CRYBG1: variants seen among roughly 807,000 people sequenced by gnomAD.
The protein encoded by CRYBG1 is crystallin beta-gamma domain containing 1.
Under a neutral mutation model 189.2 loss-of-function variants are expected in CRYBG1, and 139 were observed. The ratio of observed to expected loss-of-function variants is 0.73; its 90% CI spans 0.64 to 0.85. CRYBG1 has a LOEUF of 0.85. Ranked by LOEUF, CRYBG1 falls within the 40% of genes least tolerant of loss-of-function variation. The probability of loss-of-function intolerance (pLI) is 0.00; values close to 1 mark genes in which losing one functional copy is unlikely to be tolerated. For missense variants in CRYBG1, 2,611 were observed against 2,675.8 expected, an observed-to-expected ratio of 0.98 and a Z score of 0.53; for synonymous variants, 1,023 against 1,017.1, an observed-to-expected ratio of 1.01 and a Z score of -0.11.
intron 1 of CRYBG1, among the ~76,000 whole-genome samples, chr6:106,400,123 T>G (rs1258643044): frequency 1.7e-5 from 2 of 116,872 alleles, no homozygotes; most frequent in African/African-American, 3.4e-5. Context: ...GTGACAAGAG[T>G]GAGACTCCAT....
intron 1 of CRYBG1, among the ~76,000 whole-genome samples, chr6:106,443,442 C>G (rs1050804913): frequency 6.6e-6 from 1 of 152,188 alleles, no homozygotes; most frequent in African/African-American, 2.4e-5. Flanking sequence ...TGAGAGAAAT[C>G]TTTCCCTTCA....
In CRYBG1 at chr6:106,416,727, G is replaced by T. The variant is rs577251918; in HGVS notation, c.174-34967G>T. 3.3e-5 allele frequency among the ~76,000 whole-genome samples: 5 copies of T among 152,286 alleles called. No homozygotes were observed. The South Asian group carries it at 1.0e-3, about 32-fold the overall frequency. ...CTAAAAGTCCTTCAGTCAAGAATTTGCTAAACAAATTGTAGTATTCATTAT... is the reference window on the plus strand; with the variant it reads ...CTAAAAGTCCTTCAGTCAAGAATTTTCTAAACAAATTGTAGTATTCATTAT... On this transcript the variant is annotated intron_variant, in intron 1 of 21. Transcript: ENST00000633556.
chr6:106,409,717 C>T (rs998264627), intron 1 of CRYBG1, among the ~76,000 whole-genome samples: 2 of 152,056 alleles, frequency 1.3e-5, no homozygotes, highest in Non-Finnish European at 2.9e-5. Flanking sequence ...AGAAATAACA[C>T]CTCACATCTA....
chr6:106,388,424 A>T (rs2749083), intron 1 of CRYBG1, among the ~76,000 whole-genome samples: 2 of 152,060 alleles, frequency 1.3e-5, no homozygotes, highest in Non-Finnish European at 2.9e-5. Flanking sequence ...CAGCCCAGAA[A>T]CTGTCTTCTT....
At position 106,555,815 on chromosome 6, in the gene CRYBG1, T is replaced by C. The variant is rs1305194069; in HGVS notation, c.5633T>C (p.Leu1878Ser). The C allele has an allele frequency of 5.0e-6, 8 of 1,614,072 alleles. No homozygotes were observed. Among genetic ancestry groups the C allele is most frequent in the Non-Finnish European group, 5.9e-6 (7 of 1,180,028 alleles). The change falls in exon 17 of 22, where the codon TTG becomes TCG. Residue 1878 changes from leucine (L) to serine (S), a missense_variant. By Grantham distance (145) the Leu-to-Ser change is moderately radical. Transcript: ENST00000633556. ...AATTTCACTGGTAATCAATACGTGT[T>C]GGAAGAAGGCCATTATCCTTGTCTG... ...GENFTGNQYV[L>S]EEGHYPCLSA...
chr6:106,452,053 T>G (rs1223796678), intron 2 of CRYBG1, among the ~76,000 whole-genome samples: 1 of 145,082 alleles, frequency 6.9e-6, no homozygotes, highest in Admixed American at 6.8e-5. Context: ...TGTAATCTAT[T>G]TTTATATAAT....
At chr6:106,562,306 T>C (rs1164212172) in intron 20 of CRYBG1, among the ~76,000 whole-genome samples, 6 of 152,166 alleles carry the variant, frequency 3.9e-5, no homozygotes, top group African/African-American at 1.2e-4. Flanking sequence ...GAAGTAGTTG[T>C]AATATGGAAT....
intron 16 of CRYBG1, among the ~76,000 whole-genome samples, chr6:106,555,513 G>A (rs1473267301): frequency 6.6e-6 from 1 of 152,196 alleles, no homozygotes; most frequent in South Asian, 2.1e-4. Flanking sequence ...AGGAAGGCTG[G>A]AGGCTGGGGA....
At chr6:106,470,334 C>T (rs1772206447) in intron 2 of CRYBG1, among the ~76,000 whole-genome samples, 1 of 151,988 alleles carries the variant, frequency 6.6e-6, no homozygotes, top group African/African-American at 2.4e-5. Flanking sequence ...CAAAACAAAA[C>T]AAAACGAACA....
chr6:106,529,565 G>A (rs989515284), intron 7 of CRYBG1, among the ~76,000 whole-genome samples: 5 of 152,162 alleles, frequency 3.3e-5, no homozygotes, highest in African/African-American at 4.8e-5. Context: ...TTCCATTAAC[G>A]CTTAGGCACT....
At chr6:106,555,219 T>G (rs1170617156) in intron 16 of CRYBG1, among the ~76,000 whole-genome samples, 1 of 150,928 alleles carries the variant, frequency 6.6e-6, no homozygotes, top group Non-Finnish European at 1.5e-5. Flanking sequence ...CCCACAAACT[T>G]CTAGGGGAGC....
chr6:106,451,971 G>A (rs1771790288), intron 2 of CRYBG1, 139 bp downstream of exon 2: 21 of 356,382 alleles, frequency 5.9e-5, no homozygotes, highest in South Asian at 1.2e-4. Flanking sequence ...TATATCATAT[G>A]TAATATATGT....
chr6:106,476,508 T>G (rs559967029), intron 2 of CRYBG1, among the ~76,000 whole-genome samples: 2 of 152,342 alleles, frequency 1.3e-5, no homozygotes, highest in East Asian at 3.9e-4. Flanking sequence ...TACTCTTTGG[T>G]TAAATTTCCT....
At chr6:106,538,907 T>A (rs1348481199) in intron 8 of CRYBG1, among the ~76,000 whole-genome samples, 1 of 114,200 alleles carries the variant, frequency 8.8e-6, no homozygotes, top group Admixed American at 8.7e-5. Context: ...AAAAAAAAAA[T>A]TGATTAGGAA....
In CRYBG1 at chr6:106,571,589, C is replaced by T. The variant is rs1775060361; in HGVS notation, c.*3023C>T. 5.9e-6 allele frequency: 1 copy of T among 168,104 alleles called. No homozygotes were observed. The highest frequency in any genetic ancestry group is 1.3e-5 in the Non-Finnish European group (1 of 78,000). The allele number at this position is 168,104 out of a possible 1,614,324, so 10.4% of individuals were successfully genotyped here. The stretch of plus-strand genomic sequence containing the variant: ...TGATGCATACCTGTAGTCCTACCTA[C>T]TTGAGAGGCTGAAGCAGGAGAATCG... On this transcript the variant is annotated 3_prime_UTR_variant, in exon 22 of 22. Coordinates refer to ENST00000633556, the MANE Select transcript of CRYBG1 (RefSeq NM_001371242.2).
Position 106,520,273 on chromosome 6 carries a change from C to G in CRYBG1, c.3065C>G (p.Ala1022Gly). ...CACTCTCATTGCACAGCAGAGCTCG[C>G]GGCAAAATCTGGCCCACAAGTCATA... is the stretch of plus-strand genomic sequence containing the variant. ...NEHSHCTAEL[A>G]AKSGPQVIPP... Residue 1022 changes from alanine to glycine, a missense_variant, in exon 4 of 22, where the codon GCG becomes GGG. Transcript: ENST00000633556. The G allele has an allele frequency of 6.2e-7, 1 of 1,614,148 alleles. No homozygotes were observed. Among genetic ancestry groups the G allele is most frequent in the African/African-American group, 1.3e-5 (1 of 75,026 alleles).
chr6:106,506,183 G>A (rs956538939), intron 2 of CRYBG1, among the ~76,000 whole-genome samples: 2 of 152,156 alleles, frequency 1.3e-5, no homozygotes, highest in African/African-American at 4.8e-5. Context: ...AATGTTTCTA[G>A]TTGTCTCCAA....
intron 1 of CRYBG1, among the ~76,000 whole-genome samples, chr6:106,428,122 A>G (rs1458766646): frequency 6.6e-6 from 1 of 152,204 alleles, no homozygotes; most frequent in African/African-American, 2.4e-5. Context: ...ACCTGACATT[A>G]TAATTAATAT....
intron 2 of CRYBG1, among the ~76,000 whole-genome samples, chr6:106,502,495 A>G (rs567442378): frequency 2.0e-5 from 3 of 152,376 alleles, no homozygotes; most frequent in Admixed American, 6.5e-5. Context: ...TACTTTTGCT[A>G]TAAATTTCAA....
Sources: allele counts gnomAD v4.1 joint callset (sites outside exome capture counted in the v4.1 genomes callset), GRCh38; gene constraint gnomAD v4.1.1; transcripts MANE v1.5; gene names NCBI Gene and HGNC (gene_info 2026-07-23, HGNC 2026-07-21).